Variants in IL1R1 observed in about 807,000 individuals in gnomAD.
The protein encoded by IL1R1 is interleukin-1 receptor type 1.
Under a neutral mutation model 50.2 loss-of-function variants are expected in IL1R1, and 22 were observed. The ratio of observed to expected loss-of-function variants is 0.44; its 90% CI spans 0.31 to 0.63. IL1R1 has a LOEUF of 0.63. Among genes scored for constraint, IL1R1 ranks in the 20% least tolerant of loss-of-function variants. IL1R1 has a pLI of 0.07. For missense variants in IL1R1, 509 were observed against 676.2 expected, an observed-to-expected ratio of 0.75 and a Z score of 2.74; for synonymous variants, 251 against 236.7, an observed-to-expected ratio of 1.06 and a Z score of -0.55.
intron 3 of IL1R1, among the ~76,000 whole-genome samples, chr2:102,160,229 C>T (rs977883987): frequency 6.6e-6 from 1 of 152,028 alleles, no homozygotes; most frequent in Non-Finnish European, 1.5e-5. Flanking sequence ...TCCCTCACTA[C>T]CCTTTACAAA....
intron 1 of IL1R1, among the ~76,000 whole-genome samples, chr2:102,073,083 G>A (rs1678805110): frequency 6.6e-6 from 1 of 152,112 alleles, no homozygotes; most frequent in African/African-American, 2.4e-5. Context: ...TGTACTGGGG[G>A]ATCAACTATT....
chr2:102,076,873 AT>A (rs1192308521), intron 1 of IL1R1, among the ~76,000 whole-genome samples: 7 of 151,392 alleles, frequency 4.6e-5, no homozygotes, highest in African/African-American at 4.9e-5. Flanking sequence ...ATTTATTCAA[AT>A]TTTTTTTCTA....
In IL1R1 at chr2:102,176,797, G is replaced by T. The variant is rs200040641; in HGVS notation, c.*38G>T. On this transcript the variant is annotated 3_prime_UTR_variant, in exon 12 of 12. Coordinates refer to ENST00000410023, the MANE Select transcript of IL1R1 (RefSeq NM_000877.4). ...GCCAAGAGTTCTTTAGGTGCCTCCTGTCTTATGGCGTTGCAGGCCAGGTTA... is the reference window on the plus strand; with the variant it reads ...GCCAAGAGTTCTTTAGGTGCCTCCTTTCTTATGGCGTTGCAGGCCAGGTTA... 6.3e-7 allele frequency: 1 copy of T among 1,591,176 alleles called. No individual in the cohort carries two copies.
chr2:102,103,876 C>T (rs1680261304), upstream of IL1R1, among the ~76,000 whole-genome samples: 1 of 151,642 alleles, frequency 6.6e-6, no homozygotes, highest in African/African-American at 2.4e-5. Context: ...CATCTATAAT[C>T]CCAGCTACTC....
At chr2:102,155,617 C>G (rs1684110919) in intron 2 of IL1R1, among the ~76,000 whole-genome samples, 1 of 152,136 alleles carries the variant, frequency 6.6e-6, no homozygotes, top group Admixed American at 6.5e-5. Context: ...CCCCAGGGTC[C>G]TGGGGATTGA....
At chr2:102,116,273 C>T (rs1261019112) in intron 1 of IL1R1, among the ~76,000 whole-genome samples, 3 of 152,176 alleles carry the variant, frequency 2.0e-5, no homozygotes, top group East Asian at 1.9e-4. Flanking sequence ...TGTTCCCCCA[C>T]GTAATCTTGG....
chr2:102,099,876 A>G (rs924164887), upstream of IL1R1, among the ~76,000 whole-genome samples: 1 of 152,188 alleles, frequency 6.6e-6, no homozygotes, highest in East Asian at 1.9e-4. Flanking sequence ...AAGTCTCACT[A>G]TGTTAGATTT....
chr2:102,119,126 G>T (rs1347929803), intron 1 of IL1R1, among the ~76,000 whole-genome samples: 1 of 151,616 alleles, frequency 6.6e-6, no homozygotes, highest in Non-Finnish European at 1.5e-5. Flanking sequence ...TATCTGCTGT[G>T]CAGAGCAACG....
intron 1 of IL1R1, among the ~76,000 whole-genome samples, chr2:102,113,394 CTCT>C (rs1447350054): frequency 6.6e-6 from 1 of 152,174 alleles, no homozygotes; most frequent in African/African-American, 2.4e-5. Context: ...AACCATGAGT[CTCT>C]TCTTGTCTGA....
chr2:102,174,825 T>C, intron 10 of IL1R1, 95 bp downstream of exon 10: 1 of 1,026,514 alleles, frequency 9.7e-7, no homozygotes, highest in Non-Finnish European at 1.4e-6. Flanking sequence ...CTAAGAGGGT[T>C]TCTAAAATGA....
chr2:102,073,276 T>G (rs1276522017), intron 1 of IL1R1, among the ~76,000 whole-genome samples: 2 of 152,300 alleles, frequency 1.3e-5, no homozygotes, highest in African/African-American at 4.8e-5. Flanking sequence ...AAGGTTCTTA[T>G]TCTCATGTAG....
intron 2 of IL1R1, among the ~76,000 whole-genome samples, chr2:102,155,395 G>A (rs871659): frequency 0.82 from 125,301 of 152,240 alleles, 51,871 homozygotes; most frequent in African/African-American, 0.9. Flanking sequence ...TTGGATAGCC[G>A]TTCAACTGCG....
chr2:102,096,306 C>T (rs926530064), intron 1 of IL1R1, among the ~76,000 whole-genome samples: 2 of 152,172 alleles, frequency 1.3e-5, no homozygotes, highest in South Asian at 2.1e-4. Flanking sequence ...CAGATAGGCA[C>T]GTGTTCAAAC....
At chr2:102,132,293 A>G (rs1682080560) in intron 1 of IL1R1, among the ~76,000 whole-genome samples, 2 of 151,954 alleles carry the variant, frequency 1.3e-5, no homozygotes. Flanking sequence ...TTTAAATGAA[A>G]ATTATTTAAA....
At chr2:102,160,515 G>T (rs1295325261) in intron 3 of IL1R1, among the ~76,000 whole-genome samples, 1 of 152,088 alleles carries the variant, frequency 6.6e-6, no homozygotes, top group East Asian at 1.9e-4. Flanking sequence ...TCCACCAGGG[G>T]CTAAGCAGTT....
chr2:102,178,186 C>G lies in IL1R1; in HGVS notation c.*1427C>G, dbSNP rs1686300281. On this transcript the variant is annotated 3_prime_UTR_variant, in exon 12 of 12. Coordinates refer to ENST00000410023, the MANE Select transcript of IL1R1 (RefSeq NM_000877.4). ...AGAACATCCTCCAATTCCACAGTCT[C>G]TGGGAGACTTTCCCTAAGAGGCGAC... is the stretch of plus-strand genomic sequence containing the variant. The G allele has an allele frequency of 6.6e-6, 1 of 152,394 alleles. No homozygotes were observed. Among genetic ancestry groups the G allele is most frequent in the South Asian group, 2.1e-4 (1 of 4,828 alleles). 9.4% of individuals were successfully genotyped at this position (152,394 alleles called of 1,614,324 possible). A position where few individuals can be genotyped will look rare whatever the true frequency, so the allele number is the denominator to read the frequency against.
At chr2:102,114,131 A>G (rs940636349) in intron 1 of IL1R1, among the ~76,000 whole-genome samples, 1 of 152,226 alleles carries the variant, frequency 6.6e-6, no homozygotes, top group Non-Finnish European at 1.5e-5. Flanking sequence ...TCTAAGAGTT[A>G]TCCAAATTGG....
chr2:102,163,942 A>AT (rs1027289427), intron 3 of IL1R1, among the ~76,000 whole-genome samples: 3 of 152,048 alleles, frequency 2.0e-5, no homozygotes, highest in African/African-American at 7.2e-5. Context: ...TCTTGGCCTA[A>AT]TTTTCCCTAA....
At chr2:102,119,140 A>G (rs543722837) in intron 1 of IL1R1, among the ~76,000 whole-genome samples, 77 of 152,326 alleles carry the variant, frequency 5.1e-4, no homozygotes, top group Non-Finnish European at 1.0e-3. Context: ...AGCAACGAAA[A>G]CATTTATGGG....
Sources: gnomAD v4.1 joint callset for allele counts (sites outside exome capture counted in the v4.1 genomes callset) on GRCh38, gnomAD v4.1.1 for gene constraint, MANE v1.5 for transcripts, NCBI Gene and HGNC (gene_info 2026-07-23, HGNC 2026-07-21) for gene names.